ERC2: variants seen among roughly 807,000 people sequenced by gnomAD.
ERC2 encodes ERC protein 2.
Under a neutral mutation model 114.8 loss-of-function variants are expected in ERC2, and 42 were observed. That is an observed-to-expected ratio of 0.37 (90% CI 0.29 to 0.47). The LOEUF (loss-of-function observed/expected upper bound fraction) is 0.47. Ranked by LOEUF, ERC2 falls within the 20% of genes least tolerant of loss-of-function variation. The pLI, the probability that ERC2 is intolerant of heterozygous loss-of-function variation, is 0.99. For synonymous variants in ERC2, 454 were observed against 425.5 expected, an observed-to-expected ratio of 1.07 and a Z score of -0.82; for missense variants, 939 against 1,150.7, an observed-to-expected ratio of 0.82 and a Z score of 2.66.
chr3:55,781,639 A>AG (rs993700683), intron 14 of ERC2, among the ~76,000 whole-genome samples: 10 of 151,984 alleles, frequency 6.6e-5, no homozygotes, highest in Non-Finnish European at 5.9e-5. Context: ...TGGGAGGCCG[A>AG]GGGGGGTGGA....
At chr3:55,772,218 C>T (rs1559630063) in intron 14 of ERC2, among the ~76,000 whole-genome samples, 1 of 152,208 alleles carries the variant, frequency 6.6e-6, no homozygotes, top group Non-Finnish European at 1.5e-5. Flanking sequence ...TCTTGGCTCA[C>T]TGCAACTTCC....
chr3:56,289,343 C>A (rs545326722), intron 3 of ERC2, among the ~76,000 whole-genome samples: 90 of 152,278 alleles, frequency 5.9e-4, no homozygotes, highest in African/African-American at 2.1e-3. Context: ...CTCTTGGCAA[C>A]CTGAATAGCC....
At chr3:55,719,036 T>C (rs2064290542) in intron 15 of ERC2, among the ~76,000 whole-genome samples, 1 of 152,178 alleles carries the variant, frequency 6.6e-6, no homozygotes, top group Non-Finnish European at 1.5e-5. Context: ...GTACATTTCC[T>C]TTCCAGTCCC....
intron 17 of ERC2, among the ~76,000 whole-genome samples, chr3:55,556,740 T>C (rs2055638676): frequency 6.6e-6 from 1 of 152,216 alleles, no homozygotes; most frequent in Admixed American, 6.5e-5. Flanking sequence ...CCACATCATC[T>C]GAGCCCCTGG....
At chr3:56,151,085 T>C (rs2081387005) in intron 4 of ERC2, among the ~76,000 whole-genome samples, 1 of 152,134 alleles carries the variant, frequency 6.6e-6, no homozygotes, top group Non-Finnish European at 1.5e-5. Flanking sequence ...TCCAGAACTG[T>C]GAGAAAAACA....
At chr3:56,276,863 C>G (rs2054035526) in intron 3 of ERC2, among the ~76,000 whole-genome samples, 1 of 152,164 alleles carries the variant, frequency 6.6e-6, no homozygotes, top group South Asian at 2.1e-4. Flanking sequence ...CACAAAATCT[C>G]ATAGTGTTCT....
chr3:55,636,868 T>G (rs1369909212), intron 17 of ERC2, among the ~76,000 whole-genome samples: 1 of 152,194 alleles, frequency 6.6e-6, no homozygotes, highest in African/African-American at 2.4e-5. Flanking sequence ...GCAAAATAAG[T>G]GCTCAGTCAT....
chr3:56,109,184 T>A (rs1249561680), intron 6 of ERC2, among the ~76,000 whole-genome samples: 2 of 152,040 alleles, frequency 1.3e-5, no homozygotes, highest in African/African-American at 4.8e-5. Flanking sequence ...CCTCCCACCT[T>A]CTACCTTCAG....
chr3:55,610,717 A>G (rs897567613), intron 17 of ERC2: 9 of 152,206 alleles, frequency 5.9e-5, no homozygotes, highest in Admixed American at 3.9e-4. Flanking sequence ...CAAAATAGCA[A>G]TACTACTGTC....
intron 17 of ERC2, among the ~76,000 whole-genome samples, chr3:55,550,687 G>T (rs1188265402): frequency 6.6e-6 from 1 of 152,134 alleles, no homozygotes; most frequent in African/African-American, 2.4e-5. Flanking sequence ...TTGACTACAG[G>T]TCTGCCCGAT....
At chr3:56,013,162 C>A (rs770937511) in intron 8 of ERC2, among the ~76,000 whole-genome samples, 1 of 152,156 alleles carries the variant, frequency 6.6e-6, no homozygotes, top group Non-Finnish European at 1.5e-5. Context: ...TTATTCTTTG[C>A]ACTCTGTTAA....
intron 13 of ERC2, among the ~76,000 whole-genome samples, chr3:55,934,491 G>A (rs1212267171): frequency 6.6e-6 from 1 of 152,134 alleles, no homozygotes; most frequent in East Asian, 1.9e-4. Flanking sequence ...CCATTTTAAA[G>A]ATAAGAAAAC....
chr3:56,141,619 T>C (rs2080859119), intron 5 of ERC2, among the ~76,000 whole-genome samples: 2 of 152,238 alleles, frequency 1.3e-5, no homozygotes, highest in Admixed American at 6.5e-5. Flanking sequence ...GGCTTCGCAT[T>C]ATTACAACTA....
chr3:55,985,922 C>A, intron 12 of ERC2, 55 bp downstream of exon 12: 1 of 1,476,344 alleles, frequency 6.8e-7, no homozygotes, highest in Non-Finnish European at 9.2e-7. Context: ...AAGTGCAAGC[C>A]ATAAATTGAG....
chr3:56,359,300 C>CA (rs1240571424), intron 2 of ERC2, among the ~76,000 whole-genome samples: 4 of 152,130 alleles, frequency 2.6e-5, no homozygotes, highest in African/African-American at 9.7e-5. Flanking sequence ...TATGATTACC[C>CA]ATGCCAAGAA....
intron 12 of ERC2, among the ~76,000 whole-genome samples, chr3:55,971,433 C>T (rs906365048): frequency 6.6e-6 from 1 of 152,152 alleles, no homozygotes; most frequent in African/African-American, 2.4e-5. Context: ...TATATTGTCC[C>T]TCCATCTTCC....
At chr3:55,630,792 G>T (rs2059721957) in intron 17 of ERC2, among the ~76,000 whole-genome samples, 1 of 152,100 alleles carries the variant, frequency 6.6e-6, no homozygotes, top group African/African-American at 2.4e-5. Context: ...TCCTGCCACT[G>T]GGAAAAGTAC....
intron 2 of ERC2, among the ~76,000 whole-genome samples, chr3:56,358,646 CA>C (rs1424729751): frequency 9.2e-5 from 14 of 152,326 alleles, no homozygotes; most frequent in African/African-American, 3.1e-4. Flanking sequence ...TGGCTTAGGC[CA>C]GGGGGCCTAA....
intron 13 of ERC2, among the ~76,000 whole-genome samples, chr3:55,896,232 A>G (rs1022893960): frequency 2.6e-5 from 4 of 152,228 alleles, no homozygotes; most frequent in African/African-American, 9.6e-5. Context: ...GGAATCAACA[A>G]ATTACTTAAT....
Sources: gnomAD v4.1 joint callset for allele counts (sites outside exome capture counted in the v4.1 genomes callset) on GRCh38, gnomAD v4.1.1 for gene constraint, MANE v1.5 for transcripts, NCBI Gene and HGNC (gene_info 2026-07-23, HGNC 2026-07-21) for gene names.